Variants in NRF1 observed in about 807,000 individuals in gnomAD.
The protein encoded by NRF1 is nuclear respiratory factor 1.
In NRF1, 5 loss-of-function variants were observed where a neutral mutation model predicts 58.5. That is an observed-to-expected ratio of 0.09 (90% CI 0.04 to 0.18). The LOEUF is 0.18. NRF1 is among the 10% of genes least tolerant of loss of function. The pLI is 1.00. For synonymous variants in NRF1, 224 were observed against 246.7 expected, an observed-to-expected ratio of 0.91 and a Z score of 0.86; for missense variants, 288 against 657.7, an observed-to-expected ratio of 0.44 and a Z score of 6.15.
intron 9 of NRF1, among the ~76,000 whole-genome samples, chr7:129,722,003 A>G (rs950126528): frequency 6.6e-6 from 1 of 152,194 alleles, no homozygotes; most frequent in Non-Finnish European, 1.5e-5. Flanking sequence ...GAAACCTCTT[A>G]TTTATAGCTT....
chr7:129,654,683 C>T (rs533437299), intron 1 of NRF1, among the ~76,000 whole-genome samples: 3 of 152,206 alleles, frequency 2.0e-5, no homozygotes, highest in Non-Finnish European at 4.4e-5. Context: ...TGACTGTTCA[C>T]TTGTTCCAGC....
At chr7:129,739,870 C>T (rs776588465) in intron 10 of NRF1, among the ~76,000 whole-genome samples, 1 of 152,192 alleles carries the variant, frequency 6.6e-6, no homozygotes, top group Non-Finnish European at 1.5e-5. Context: ...ACAAAGCTGA[C>T]AGGAGCCATG....
chr7:129,626,039 C>CG (rs989009655), intron 1 of NRF1, among the ~76,000 whole-genome samples: 4 of 152,060 alleles, frequency 2.6e-5, no homozygotes, highest in African/African-American at 7.2e-5. Flanking sequence ...AGGCTGGTCT[C>CG]AAACACCTGG....
chr7:129,719,179 C>T (rs1329108618), intron 9 of NRF1, among the ~76,000 whole-genome samples: 1 of 150,924 alleles, frequency 6.6e-6, no homozygotes, highest in Non-Finnish European at 1.5e-5. Flanking sequence ...GTTGCCTAGG[C>T]TGAAGTACAA....
chr7:129,659,938 G>T (rs1251505234), intron 2 of NRF1, among the ~76,000 whole-genome samples: 2 of 152,060 alleles, frequency 1.3e-5, no homozygotes, highest in East Asian at 3.9e-4. Flanking sequence ...CCATTTTCAT[G>T]CTGCTGATAA....
At chr7:129,625,675 ATTTTTTT>A (rs56694598) in intron 1 of NRF1, among the ~76,000 whole-genome samples, 14 of 88,996 alleles carry the variant, frequency 1.6e-4, no homozygotes, top group South Asian at 1.2e-3. Flanking sequence ...TAATGTTTTA[ATTTTTTT>A]TTTTTTTTTT....
At chr7:129,662,964 G>C (rs955623931) in intron 2 of NRF1, among the ~76,000 whole-genome samples, 1 of 152,134 alleles carries the variant, frequency 6.6e-6, no homozygotes, top group Non-Finnish European at 1.5e-5. Flanking sequence ...GACTCTTAAC[G>C]AGCATGCTGT....
At chr7:129,662,420 GTGTT>G (rs992384230) in intron 2 of NRF1, among the ~76,000 whole-genome samples, 7 of 120,814 alleles carry the variant, frequency 5.8e-5, no homozygotes, top group African/African-American at 2.4e-4. Flanking sequence ...GTGTGTGTGT[GTGTT>G]TCCTCCGAGA....
intron 4 of NRF1, among the ~76,000 whole-genome samples, chr7:129,689,091 C>T (rs1046064779): frequency 6.6e-6 from 1 of 152,072 alleles, no homozygotes; most frequent in African/African-American, 2.4e-5. Flanking sequence ...TTATTAGAGA[C>T]CAGGATACAA....
At chr7:129,735,534 AAAAAAT>A (rs1187915478) in intron 10 of NRF1, among the ~76,000 whole-genome samples, 5 of 152,144 alleles carry the variant, frequency 3.3e-5, no homozygotes, top group African/African-American at 1.2e-4. Context: ...CCTAGTAAAT[AAAAAAT>A]AAAAATAAAA....
chr7:129,665,242 T>C (rs549352637), intron 2 of NRF1, among the ~76,000 whole-genome samples: 1 of 152,308 alleles, frequency 6.6e-6, no homozygotes, highest in East Asian at 1.9e-4. Context: ...ACCCAGGGCC[T>C]AGGGGCTGTG....
intron 1 of NRF1, among the ~76,000 whole-genome samples, chr7:129,655,198 T>C (rs895925813): frequency 1.3e-5 from 2 of 152,236 alleles, no homozygotes; most frequent in African/African-American, 4.8e-5. Flanking sequence ...TTACTCAGTA[T>C]TTCACTTTTT....
chr7:129,709,293 A>G (rs1274649357), intron 6 of NRF1, 60 bp downstream of exon 6: 10 of 1,362,798 alleles, frequency 7.3e-6, no homozygotes, highest in Non-Finnish European at 9.7e-6. Flanking sequence ...AACCACCTCA[A>G]TTTTTGTCAT....
intron 5 of NRF1, among the ~76,000 whole-genome samples, chr7:129,696,076 A>AC (rs1321520160): frequency 4.2e-5 from 6 of 143,826 alleles, no homozygotes; most frequent in South Asian, 2.3e-4. Flanking sequence ...AAAAAAAAAA[A>AC]AAAAAAAAAA....
intron 7 of NRF1, 71 bp from the exon 8 acceptor site, chr7:129,711,404 C>T (rs1803069885): frequency 6.0e-6 from 7 of 1,164,624 alleles, no homozygotes; most frequent in Non-Finnish European, 7.4e-6. Flanking sequence ...TTAAATGAGT[C>T]TCAGCTTCTG....
intron 10 of NRF1, among the ~76,000 whole-genome samples, chr7:129,731,272 A>G (rs1168592641): frequency 5.2e-5 from 2 of 38,262 alleles, no homozygotes; most frequent in Non-Finnish European, 8.7e-5. Flanking sequence ...CTCCGTCTTG[A>G]AAAAAAAAAA....
chr7:129,667,133 G>T (rs1224934196), intron 2 of NRF1, among the ~76,000 whole-genome samples: 1 of 152,186 alleles, frequency 6.6e-6, no homozygotes, highest in East Asian at 1.9e-4. Context: ...GAGGGCCAAA[G>T]ATGTCCATTT....
At chr7:129,682,617 C>G (rs1042049030) in intron 4 of NRF1, among the ~76,000 whole-genome samples, 7 of 140,450 alleles carry the variant, frequency 5.0e-5, no homozygotes, top group African/African-American at 1.6e-4. Flanking sequence ...GACCCTGTCT[C>G]TGCAAAAAAA....
chr7:129,620,647 A>G (rs1030419739), intron 1 of NRF1, among the ~76,000 whole-genome samples: 1 of 152,130 alleles, frequency 6.6e-6, no homozygotes, highest in African/African-American at 2.4e-5. Context: ...TGGCCTCCCA[A>G]AGTGCTGGGA....
Sources: gnomAD v4.1 joint callset for allele counts (sites outside exome capture counted in the v4.1 genomes callset) on GRCh38, gnomAD v4.1.1 for gene constraint, MANE v1.5 for transcripts, NCBI Gene and HGNC (gene_info 2026-07-23, HGNC 2026-07-21) for gene names.